Variants in UBE3C observed in about 807,000 individuals in gnomAD.
UBE3C encodes ubiquitin-protein ligase E3C.
In UBE3C, 42 loss-of-function variants were observed where a neutral mutation model predicts 129.4. The ratio of observed to expected loss-of-function variants is 0.32; its 90% confidence interval spans 0.25 to 0.42. The LOEUF is 0.42. Ranked by LOEUF, UBE3C falls within the 10% of genes least tolerant of loss-of-function variation. UBE3C has a pLI of 1.00. For missense variants in UBE3C, 1,049 were observed against 1,319.1 expected (o/e 0.80, Z 3.17); for synonymous variants, 510 against 492.4 (o/e 1.04, Z -0.47).
intron 1 of UBE3C, 131 bp downstream of exon 1, chr7:157,139,469 C>A (rs1264155302): frequency 6.4e-6 from 5 of 784,456 alleles, no homozygotes; most frequent in Admixed American, 4.5e-5. Flanking sequence ...GCCTCCCTGG[C>A]GGGGACTCGG....
chr7:157,213,541 A>G (rs1357148267), intron 13 of UBE3C, among the ~76,000 whole-genome samples: 1 of 152,210 alleles, frequency 6.6e-6, no homozygotes, highest in Non-Finnish European at 1.5e-5. Context: ...TGCCTCTACA[A>G]ACTTTCCCTT....
intron 10 of UBE3C, among the ~76,000 whole-genome samples, chr7:157,198,735 A>G (rs995623550): frequency 1.5e-4 from 23 of 152,096 alleles, no homozygotes; most frequent in African/African-American, 5.6e-4. Flanking sequence ...GGGTTTCACC[A>G]TGTTGACCAG....
In UBE3C at chr7:157,201,750, G is replaced by C. The variant is rs982912939; in HGVS notation, c.1361G>C (p.Arg454Thr). ...CTCTACAGTTTAGCCTTTAATGCCA[G>C]GTTTCTGAGACATCTTTGGTTTCTA... ...RLLYSLAFNA[R>T]FLRHLWFLIS... Residue 454 changes from arginine to threonine, a missense_variant, in exon 11 of 23, where the codon AGG (arginine) becomes ACG (threonine). By Grantham distance (71) the Arg-to-Thr change is moderately conservative. Coordinates refer to ENST00000348165, the MANE Select transcript of UBE3C (RefSeq NM_014671.3). 10 of 1,606,398 alleles carry C rather than the reference G, an allele frequency of 6.2e-6. No homozygotes were observed. The highest frequency in any genetic ancestry group is 8.5e-6 in the Non-Finnish European group (10 of 1,177,334).
At chr7:157,148,432 A>G (rs181460919) in intron 1 of UBE3C, among the ~76,000 whole-genome samples, 2 of 152,096 alleles carry the variant, frequency 1.3e-5, no homozygotes, top group East Asian at 1.9e-4. Context: ...TTCCTCCCCT[A>G]TGATAGGTCT....
intron 1 of UBE3C, among the ~76,000 whole-genome samples, chr7:157,142,620 C>T (rs1257778745): frequency 1.3e-5 from 2 of 151,956 alleles, no homozygotes; most frequent in Non-Finnish European, 2.9e-5. Context: ...GATTCAAAGT[C>T]ACTTTGGGGA....
At chr7:157,172,736 A>G (rs1230816964) in intron 4 of UBE3C, among the ~76,000 whole-genome samples, 1 of 152,218 alleles carries the variant, frequency 6.6e-6, no homozygotes, top group Non-Finnish European at 1.5e-5. Context: ...GTACAACGGC[A>G]GATAATCGGG....
At chr7:157,198,066 CT>C (rs1320641055) in intron 10 of UBE3C, 1 of 1,611,332 alleles carries the variant, frequency 6.2e-7, no homozygotes, top group Admixed American at 1.7e-5. Flanking sequence ...GATCTCTCCT[CT>C]TTTAACAAAC....
intron 13 of UBE3C, among the ~76,000 whole-genome samples, chr7:157,214,990 T>G (rs967107113): frequency 6.6e-6 from 1 of 152,320 alleles, no homozygotes; most frequent in East Asian, 1.9e-4. Context: ...AATAGCTGAC[T>G]CCAGTTTACC....
At chr7:157,174,819 A>G (rs1201854807) in intron 4 of UBE3C, 100 bp from the exon 5 acceptor site, 4 of 773,404 alleles carry the variant, frequency 5.2e-6, no homozygotes, top group Non-Finnish European at 8.1e-6. Flanking sequence ...AGGTTTGATT[A>G]AATGTGCATT....
chr7:157,183,346 C>T (rs1336373977), intron 8 of UBE3C, among the ~76,000 whole-genome samples: 1 of 152,174 alleles, frequency 6.6e-6, no homozygotes, highest in African/African-American at 2.4e-5. Context: ...TGGTAATTGA[C>T]TAAGACAGTT....
Position 157,267,836 on chromosome 7 carries a change from C to CA in UBE3C, c.*82dup. The CA allele has an allele frequency of 7.9e-7, 1 of 1,267,292 alleles. No homozygotes were observed. Among genetic ancestry groups the CA allele is most frequent in the Non-Finnish European group, 1.1e-6 (1 of 933,058 alleles). 78.5% of individuals were successfully genotyped at this position (1,267,292 alleles called of 1,614,324 possible). ...GCCTCCCCAGACCCACGAGGATACT[C>CA]ACACTGCACGCCTGAGGCTCTCCTA... On this transcript the variant is annotated 3_prime_UTR_variant, in exon 23 of 23. Transcript: ENST00000348165.
chr7:157,248,269 C>T, intron 18 of UBE3C, 99 bp from the exon 19 acceptor site: 3 of 1,083,704 alleles, frequency 2.8e-6, no homozygotes, highest in Non-Finnish European at 4.1e-6. Context: ...AATACCTGCT[C>T]TCTTAGGATT....
At chr7:157,261,369 C>T (rs1228883976) in intron 22 of UBE3C, among the ~76,000 whole-genome samples, 1 of 149,830 alleles carries the variant, frequency 6.7e-6, no homozygotes, top group Non-Finnish European at 1.5e-5. Context: ...GAAAATCCTA[C>T]CCCAGTCAAG....
chr7:157,255,143 C>T (rs971858781), intron 21 of UBE3C, among the ~76,000 whole-genome samples: 4 of 151,628 alleles, frequency 2.6e-5, no homozygotes, highest in Admixed American at 6.5e-5. Context: ...TATATACATA[C>T]ACAACGTACA....
intron 1 of UBE3C, among the ~76,000 whole-genome samples, chr7:157,160,566 C>T (rs1808042706): frequency 6.6e-6 from 1 of 151,976 alleles, no homozygotes; most frequent in South Asian, 2.1e-4. Flanking sequence ...TGTATGGTAC[C>T]AAGTAGTAGT....
intron 13 of UBE3C, among the ~76,000 whole-genome samples, chr7:157,210,566 A>G (rs1809563169): frequency 6.6e-6 from 1 of 152,232 alleles, no homozygotes; most frequent in Non-Finnish European, 1.5e-5. Flanking sequence ...TGTTTTACAG[A>G]TGAGGTCATG....
At chr7:157,227,414 C>T (rs1263278382) in intron 17 of UBE3C, among the ~76,000 whole-genome samples, 2 of 152,026 alleles carry the variant, frequency 1.3e-5, no homozygotes. Flanking sequence ...AAACTACTCC[C>T]TGGGCGTGGC....
intron 13 of UBE3C, among the ~76,000 whole-genome samples, chr7:157,214,949 C>G (rs953714638): frequency 1.3e-5 from 2 of 152,204 alleles, no homozygotes; most frequent in African/African-American, 4.8e-5. Context: ...AGCTAAGCCC[C>G]TGAGCAACAC....
chr7:157,217,730 G>A (rs373894937), intron 14 of UBE3C, among the ~76,000 whole-genome samples: 13 of 152,060 alleles, frequency 8.5e-5, no homozygotes, highest in Non-Finnish European at 1.9e-4. Context: ...CCAGCTACTC[G>A]GGAGGCTAAG....
Sources: gnomAD v4.1 joint callset for allele counts (sites outside exome capture counted in the v4.1 genomes callset) on GRCh38, gnomAD v4.1.1 for gene constraint, MANE v1.5 for transcripts, NCBI Gene and HGNC (gene_info 2026-07-23, HGNC 2026-07-21) for gene names.